The following CAMK1D variants were observed in gnomAD, a reference collection of about 807,000 sequenced individuals.
The protein encoded by CAMK1D is calcium/calmodulin dependent protein kinase ID.
Under a neutral mutation model 47.7 loss-of-function variants are expected in CAMK1D, and 9 were observed. The ratio of observed to expected loss-of-function variants is 0.19; its 90% CI spans 0.11 to 0.33. The LOEUF (loss-of-function observed/expected upper bound fraction) is 0.33, where lower values mean the gene tolerates loss of function less well. Among genes scored for constraint, CAMK1D ranks in the 10% least tolerant of loss-of-function variants. The probability of loss-of-function intolerance (pLI) is 1.00; values close to 1 mark genes in which losing one functional copy is unlikely to be tolerated. For synonymous variants in CAMK1D, 184 were observed against 184.9 expected, an observed-to-expected ratio of 0.99 and a Z score of 0.04; for missense variants, 291 against 488.7, an observed-to-expected ratio of 0.60 and a Z score of 3.81.
At chr10:12,584,584 C>T (rs937263321) in intron 2 of CAMK1D, among the ~76,000 whole-genome samples, 1 of 152,064 alleles carries the variant, frequency 6.6e-6, no homozygotes, top group African/African-American at 2.4e-5. Context: ...CTTTGGGAGG[C>T]CAAGGCAGGC....
rs573723767 is a variant in CAMK1D at position 12,698,673 on chromosome 10, ATTTTT to A, written c.299+31877_299+31881del. Among the ~76,000 whole-genome samples, 20 of 103,906 alleles carry A rather than the reference ATTTTT, an allele frequency of 1.9e-4. 1 individual carries two copies. Among genetic ancestry groups the A allele is most frequent in the Admixed American group, 6.1e-4 (5 of 8,248 alleles). The allele number at this position is 103,906 out of a possible 152,430, so 68.2% of individuals were successfully genotyped here. On this transcript the variant is annotated intron_variant, in intron 3 of 10. Coordinates refer to ENST00000619168, the MANE Select transcript of CAMK1D (RefSeq NM_153498.4). ...GAAGAAAAATGATGCCCTTTAAAGAATTTTTTTTTTTTTTTTTTGAGACGGAGTGT... is the reference window on the plus strand; with the variant it reads ...GAAGAAAAATGATGCCCTTTAAAGAATTTTTTTTTTTTTGAGACGGAGTGT...
intron 1 of CAMK1D, among the ~76,000 whole-genome samples, chr10:12,413,971 C>T (rs111569238): frequency 3.7e-4 from 57 of 152,186 alleles, no homozygotes; most frequent in African/African-American, 1.0e-3. Context: ...TGTTTTCTAA[C>T]GATGAGATAT....
intron 1 of CAMK1D, among the ~76,000 whole-genome samples, chr10:12,405,124 G>A (rs1158423409): frequency 1.3e-5 from 2 of 152,076 alleles, no homozygotes; most frequent in Non-Finnish European, 2.9e-5. Flanking sequence ...AACCAAATGT[G>A]GTTTAGCCTG....
At chr10:12,459,400 T>C (rs1197500738) in intron 1 of CAMK1D, among the ~76,000 whole-genome samples, 1 of 152,146 alleles carries the variant, frequency 6.6e-6, no homozygotes, top group Non-Finnish European at 1.5e-5. Context: ...ACTATAACCA[T>C]AGATTATTAG....
intron 1 of CAMK1D, among the ~76,000 whole-genome samples, chr10:12,455,320 C>T (rs1833208133): frequency 6.6e-6 from 1 of 152,186 alleles, no homozygotes; most frequent in Non-Finnish European, 1.5e-5. Flanking sequence ...TTCAGGTATG[C>T]ACCACCACAC....
intron 3 of CAMK1D, among the ~76,000 whole-genome samples, chr10:12,738,806 T>C (rs1835293728): frequency 6.6e-6 from 1 of 152,062 alleles, no homozygotes; most frequent in Non-Finnish European, 1.5e-5. Flanking sequence ...CACTCCAGCC[T>C]GGGCAACAGA....
chr10:12,601,075 G>A (rs1838286731), intron 2 of CAMK1D, among the ~76,000 whole-genome samples: 1 of 152,104 alleles, frequency 6.6e-6, no homozygotes, highest in Admixed American at 6.5e-5. Flanking sequence ...AATTGTGGGT[G>A]GTGCGGTGGT....
At chr10:12,584,723 G>A (rs1465625960) in intron 2 of CAMK1D, among the ~76,000 whole-genome samples, 1 of 152,166 alleles carries the variant, frequency 6.6e-6, no homozygotes, top group Non-Finnish European at 1.5e-5. Context: ...GGAAGGCTGA[G>A]GTGGGAGGGT....
intron 1 of CAMK1D, among the ~76,000 whole-genome samples, chr10:12,475,630 T>A (rs1240908696): frequency 6.6e-6 from 1 of 152,172 alleles, no homozygotes; most frequent in Non-Finnish European, 1.5e-5. Context: ...TGCAGTTCCT[T>A]TAGGTCTTCT....
chr10:12,532,261 G>A (rs1835828090), intron 1 of CAMK1D, among the ~76,000 whole-genome samples: 2 of 151,812 alleles, frequency 1.3e-5, no homozygotes, highest in Admixed American at 6.6e-5. Flanking sequence ...GGCCACAAGA[G>A]TCCTGTTTAT....
At chr10:12,517,668 A>G (rs139666350) in intron 1 of CAMK1D, among the ~76,000 whole-genome samples, 1 of 152,220 alleles carries the variant, frequency 6.6e-6, no homozygotes, top group African/African-American at 2.4e-5. Context: ...ATGGTAGATT[A>G]TATCGGTTGA....
At chr10:12,638,043 G>A (rs918866150) in intron 2 of CAMK1D, among the ~76,000 whole-genome samples, 3 of 152,150 alleles carry the variant, frequency 2.0e-5, no homozygotes, top group Admixed American at 6.5e-5. Context: ...GGAGGACGGG[G>A]GGATTCCGAT....
rs769875230 is a variant in CAMK1D, at chr10:12,485,287, C to T, written c.93-67938C>T. On this transcript the variant is annotated intron_variant, in intron 1 of 10. Transcript: ENST00000619168. ...AGAGACGTGGCTGCCTCTCGGCTGTCCCTGGGGAGCAGAAGGACTGTGGCC... is the reference window on the plus strand; with the variant it reads ...AGAGACGTGGCTGCCTCTCGGCTGTTCCTGGGGAGCAGAAGGACTGTGGCC... 3.9e-4 allele frequency among the ~76,000 whole-genome samples: 60 copies of T among 152,120 alleles called. 1 individual carries two copies. The highest frequency in any genetic ancestry group is 7.9e-4 in the Non-Finnish European group (54 of 68,022).
intron 3 of CAMK1D, among the ~76,000 whole-genome samples, chr10:12,671,785 T>A (rs1263788375): frequency 6.6e-6 from 1 of 152,074 alleles, no homozygotes; most frequent in East Asian, 1.9e-4. Flanking sequence ...TTCTGTAGAT[T>A]GTCTTTCTAC....
chr10:12,529,060 A>C (rs1298811096), intron 1 of CAMK1D, among the ~76,000 whole-genome samples: 1 of 149,616 alleles, frequency 6.7e-6, no homozygotes, highest in Non-Finnish European at 1.5e-5. Context: ...CTGGTCTTGA[A>C]CTCCTGGGCT....
intron 3 of CAMK1D, among the ~76,000 whole-genome samples, chr10:12,679,992 C>T (rs111682974): frequency 6.6e-6 from 1 of 152,180 alleles, no homozygotes; most frequent in Admixed American, 6.5e-5. Flanking sequence ...CCTCTCTCAT[C>T]CCAGAAGCCC....
At chr10:12,583,550 G>A (rs1002077435) in intron 2 of CAMK1D, among the ~76,000 whole-genome samples, 5 of 151,836 alleles carry the variant, frequency 3.3e-5, no homozygotes, top group African/African-American at 1.2e-4. Context: ...CATTCAGGTA[G>A]CATTTCCCCT....
At chr10:12,548,341 A>G (rs1423236071) in intron 1 of CAMK1D, among the ~76,000 whole-genome samples, 1 of 152,032 alleles carries the variant, frequency 6.6e-6, no homozygotes, top group Non-Finnish European at 1.5e-5. Flanking sequence ...AGTTTTTCCA[A>G]TATGTCCATC....
chr10:12,548,911 A>G (rs1237562383), intron 1 of CAMK1D, among the ~76,000 whole-genome samples: 1 of 151,868 alleles, frequency 6.6e-6, no homozygotes, highest in Admixed American at 6.6e-5. Context: ...GTTGGAGTGC[A>G]TAGGCGCGAT....
Sources: allele counts gnomAD v4.1 joint callset (sites outside exome capture counted in the v4.1 genomes callset), GRCh38; gene constraint gnomAD v4.1.1; transcripts MANE v1.5; gene names NCBI Gene and HGNC (gene_info 2026-07-23, HGNC 2026-07-21).